The following DIAPH3 variants were observed in gnomAD, a reference collection of about 807,000 sequenced individuals.
DIAPH3 encodes diaphanous related formin 3.
DIAPH3 carries 117 observed loss-of-function variants against 144.3 expected under a neutral mutation model. The ratio of observed to expected loss-of-function variants is 0.81; its 90% CI spans 0.70 to 0.95. The LOEUF (loss-of-function observed/expected upper bound fraction) is 0.95. Ranked by LOEUF, DIAPH3 falls within the 40% of genes least tolerant of loss-of-function variation. The pLI, the probability that DIAPH3 is intolerant of heterozygous loss-of-function variation, is 0.00. For synonymous variants in DIAPH3, 519 were observed against 488.9 expected (o/e 1.06, Z -0.81); for missense variants, 1,421 against 1,412.7 (o/e 1.01, Z -0.09).
rs1594665978 is a variant in DIAPH3, at chr13:60,100,630, G to T, written c.391-6898C>A. ...AGGTAGTTTGGTGAAAGGTATACAAGAATTCTCTATACTATTTTTGCAATT... is the reference window on the plus strand; with the variant it reads ...AGGTAGTTTGGTGAAAGGTATACAATAATTCTCTATACTATTTTTGCAATT... On this transcript the variant is annotated intron_variant, in intron 3 of 27. Coordinates refer to ENST00000400324, the MANE Select transcript of DIAPH3 (RefSeq NM_001042517.2). Among the ~76,000 whole-genome samples, 4 of 152,088 alleles carry T rather than the reference G, an allele frequency of 2.6e-5. No individual in the cohort carries two copies. In the East Asian group the frequency reaches 7.7e-4, roughly 29 times the overall value.
rs139927633 is a variant in DIAPH3, at chr13:60,001,407, G to A, written c.1014+7137C>T. Among the ~76,000 whole-genome samples, 359 of 152,270 alleles carry A rather than the reference G, an allele frequency of 2.4e-3. 4 individuals are homozygous for A. In the East Asian group the frequency reaches 0.036, roughly 15 times the overall value. ...CTGTAGCTCAGTCATTCTGTGGAGTGGGTGAATGGCACTGACAAAAAGGAA... is the reference window on the plus strand; with the variant it reads ...CTGTAGCTCAGTCATTCTGTGGAGTAGGTGAATGGCACTGACAAAAAGGAA... On this transcript the variant is annotated intron_variant, in intron 9 of 27. Coordinates refer to ENST00000400324, the MANE Select transcript of DIAPH3 (RefSeq NM_001042517.2).
At chr13:59,979,824 C>T (rs1332821353) in intron 14 of DIAPH3, among the ~76,000 whole-genome samples, 1 of 151,614 alleles carries the variant, frequency 6.6e-6, no homozygotes, top group African/African-American at 2.4e-5. Context: ...GCTGTGGGTT[C>T]ATCATGGTGA....
intron 27 of DIAPH3, among the ~76,000 whole-genome samples, chr13:59,728,467 G>A (rs1327620800): frequency 1.3e-5 from 2 of 151,964 alleles, no homozygotes; most frequent in African/African-American, 4.8e-5. Context: ...ACATAAAAAA[G>A]AAAAGATAGA....
chr13:59,739,156 T>C (rs1286963545), intron 27 of DIAPH3, among the ~76,000 whole-genome samples: 1 of 152,220 alleles, frequency 6.6e-6, no homozygotes, highest in African/African-American at 2.4e-5. Context: ...GAGGGATTAG[T>C]AAAGGGATTT....
chr13:59,863,580 G>T (rs1048254545), intron 21 of DIAPH3, among the ~76,000 whole-genome samples: 3 of 151,948 alleles, frequency 2.0e-5, no homozygotes, highest in African/African-American at 7.2e-5. Context: ...AACTATCATA[G>T]AGCCGGGAAC....
At chr13:59,800,476 T>G (rs1367858387) in intron 25 of DIAPH3, among the ~76,000 whole-genome samples, 2 of 152,216 alleles carry the variant, frequency 1.3e-5, no homozygotes, top group African/African-American at 4.8e-5. Context: ...AAGCTTGACA[T>G]CATTTGGGTT....
In DIAPH3 at chr13:59,861,423, T is replaced by C; in HGVS notation, c.2721A>G (p.Leu907=). ...GGCACAAACCTTTACTAGCTTTGTC[T>C]AAAGGTTCCAAATCATCCACAAAAT... ...ILNFVDDLEP[L]DKASKVSVET... The change falls in exon 22 of 28, where the codon TTA becomes TTG. Residue 907 remains leucine, a synonymous_variant. Transcript: ENST00000400324. 2 of 1,613,850 alleles carry C rather than the reference T, an allele frequency of 1.2e-6. No individual in the cohort carries two copies. Among genetic ancestry groups the C allele is most frequent in the South Asian group, 1.1e-5 (1 of 91,072 alleles).
intron 19 of DIAPH3, 61 bp from the exon 20 acceptor site, chr13:59,911,897 A>T: frequency 8.0e-7 from 1 of 1,246,766 alleles, no homozygotes; most frequent in Non-Finnish European, 1.2e-6. Context: ...TTTTAAAAAT[A>T]TAATTTAAAA....
chr13:59,865,972 T>C (rs905709594), intron 21 of DIAPH3, among the ~76,000 whole-genome samples: 1 of 152,010 alleles, frequency 6.6e-6, no homozygotes, highest in Non-Finnish European at 1.5e-5. Flanking sequence ...CTCCGCATCA[T>C]TATGTTCCTA....
At chr13:60,076,578 G>T (rs1017330005) in intron 4 of DIAPH3, among the ~76,000 whole-genome samples, 1 of 152,028 alleles carries the variant, frequency 6.6e-6, no homozygotes, top group East Asian at 1.9e-4. Flanking sequence ...TATATAGGCT[G>T]TTCAAAAATC....
chr13:60,097,009 A>G (rs949090675), intron 3 of DIAPH3, among the ~76,000 whole-genome samples: 4 of 152,094 alleles, frequency 2.6e-5, no homozygotes, highest in African/African-American at 7.2e-5. Flanking sequence ...CAGGCATCCT[A>G]TTGGTTCTGT....
intron 25 of DIAPH3, among the ~76,000 whole-genome samples, chr13:59,793,451 G>C (rs1439173156): frequency 6.6e-6 from 1 of 151,872 alleles, no homozygotes; most frequent in Admixed American, 6.6e-5. Context: ...AACTCTTTAC[G>C]CTATTCTTTG....
intron 2 of DIAPH3, among the ~76,000 whole-genome samples, chr13:60,122,314 G>A (rs1279518566): frequency 1.3e-5 from 2 of 152,034 alleles, no homozygotes; most frequent in African/African-American, 4.8e-5. Flanking sequence ...TCAATCTTCA[G>A]CTCCCAACTT....
intron 25 of DIAPH3, among the ~76,000 whole-genome samples, chr13:59,776,758 T>A (rs1452805147): frequency 6.6e-6 from 1 of 152,128 alleles, no homozygotes; most frequent in South Asian, 2.1e-4. Flanking sequence ...ATTGATGTAG[T>A]GATTCTCAGA....
chr13:59,741,905 C>T (rs2036474605), intron 27 of DIAPH3, among the ~76,000 whole-genome samples: 2 of 152,188 alleles, frequency 1.3e-5, no homozygotes, highest in South Asian at 4.1e-4. Context: ...AACAGAAAAG[C>T]ATATTGTATT....
At chr13:59,861,163 G>A (rs749744407) in intron 22 of DIAPH3, 1 of 1,316,894 alleles carries the variant, frequency 7.6e-7, no homozygotes, top group African/African-American at 1.5e-5. Flanking sequence ...GTATCTACAA[G>A]GTTTAAACTG....
intron 17 of DIAPH3, among the ~76,000 whole-genome samples, chr13:59,963,550 T>C (rs995044486): frequency 3.3e-5 from 5 of 151,830 alleles, no homozygotes; most frequent in African/African-American, 1.2e-4. Context: ...CCTATTCTCT[T>C]CCTGTGTTCC....
chr13:59,840,063 C>T (rs1265418359), intron 22 of DIAPH3, among the ~76,000 whole-genome samples: 3 of 152,094 alleles, frequency 2.0e-5, no homozygotes, highest in Non-Finnish European at 4.4e-5. Context: ...TAAACCAGGG[C>T]ACTGTGTCAC....
In DIAPH3 at chr13:59,844,055, C is replaced by T. The variant is rs144359035; in HGVS notation, c.2738-4607G>A. On this transcript the variant is annotated intron_variant, in intron 22 of 27. Coordinates refer to ENST00000400324, the MANE Select transcript of DIAPH3 (RefSeq NM_001042517.2). ...AGATGCAGCAAACCACCATGGCATACGTTTACCTATGTAACAAACCTGCAC... is the reference window on the plus strand; with the variant it reads ...AGATGCAGCAAACCACCATGGCATATGTTTACCTATGTAACAAACCTGCAC... Among the ~76,000 whole-genome samples, 680 of 149,700 alleles carry T rather than the reference C, an allele frequency of 4.5e-3. 4 individuals are homozygous for T. The highest frequency in any genetic ancestry group is 0.016 in the African/African-American group (642 of 40,634).
Sources: allele counts gnomAD v4.1 joint callset (sites outside exome capture counted in the v4.1 genomes callset), GRCh38; gene constraint gnomAD v4.1.1; transcripts MANE v1.5; gene names NCBI Gene and HGNC (gene_info 2026-07-23, HGNC 2026-07-21).